PCNX4: variants seen among roughly 807,000 people sequenced by gnomAD.
The protein encoded by PCNX4 is pecanex-like protein 4.
Under a neutral mutation model 107.2 loss-of-function variants are expected in PCNX4, and 103 were observed. The ratio of observed to expected loss-of-function variants is 0.96; its 90% CI spans 0.82 to 1.13. The LOEUF (loss-of-function observed/expected upper bound fraction) is 1.13, where lower values mean the gene tolerates loss of function less well. Among genes scored for constraint, PCNX4 ranks in the 50% most tolerant of loss-of-function variants. PCNX4 has a pLI of 0.00. For synonymous variants in PCNX4, 541 were observed against 481.7 expected, an observed-to-expected ratio of 1.12 and a Z score of -1.61; for missense variants, 1,528 against 1,379.4, an observed-to-expected ratio of 1.11 and a Z score of -1.71.
At chr14:60,119,226 A>G (rs1232460279) in intron 7 of PCNX4, among the ~76,000 whole-genome samples, 5 of 152,206 alleles carry the variant, frequency 3.3e-5, no homozygotes, top group South Asian at 2.1e-4. Flanking sequence ...ATGAAATGCT[A>G]TTCAGTTACT....
intron 10 of PCNX4, chr14:60,133,622 A>G (rs1595181642): frequency 2.1e-6 from 1 of 476,368 alleles, no homozygotes; most frequent in Non-Finnish European, 4.1e-6. Context: ...TGTTTCTTTA[A>G]AAAGAGCCTA....
In PCNX4 at chr14:60,124,711, C is replaced by T. The variant is rs752956191; in HGVS notation, c.2540C>T (p.Pro847Leu). The change falls in exon 9 of 11, where the codon CCA (proline) becomes CTA (leucine). Residue 847 changes from proline to leucine, a missense_variant. Coordinates refer to ENST00000406854, the MANE Select transcript of PCNX4 (RefSeq NM_001330177.2). ...GAAAAACATCAGTTGAAAGATTTGC[C>T]AGGTACAAATTTGTTTATTCCAGGA... ...IEEKHQLKDL[P>L]GTNLFIPGSV... is the part of the protein sequence containing the mutation. 2 of 1,613,026 alleles carry T rather than the reference C, an allele frequency of 1.2e-6. No individual in the cohort carries two copies. Among genetic ancestry groups the T allele is most frequent in the South Asian group, 1.1e-5 (1 of 91,040 alleles).
At chr14:60,113,372 A>G (rs1895777075) in intron 2 of PCNX4, among the ~76,000 whole-genome samples, 1 of 152,088 alleles carries the variant, frequency 6.6e-6, no homozygotes, top group Admixed American at 6.5e-5. Flanking sequence ...TATTATTACT[A>G]CTACTACTAT....
intron 1 of PCNX4, among the ~76,000 whole-genome samples, chr14:60,096,725 C>T (rs1257247352): frequency 1.3e-5 from 2 of 152,194 alleles, no homozygotes; most frequent in Non-Finnish European, 2.9e-5. Flanking sequence ...GTATCCACCC[C>T]ATATCTCTCG....
At chr14:60,120,055 G>A (rs921660079) in intron 7 of PCNX4, among the ~76,000 whole-genome samples, 1 of 152,080 alleles carries the variant, frequency 6.6e-6, no homozygotes, top group African/African-American at 2.4e-5. Context: ...TGTTTTGGGG[G>A]GTCCTCAAGA....
intron 1 of PCNX4, among the ~76,000 whole-genome samples, chr14:60,101,734 T>C (rs1159216648): frequency 6.6e-6 from 1 of 152,198 alleles, no homozygotes; most frequent in African/African-American, 2.4e-5. Context: ...CCATATGATC[T>C]AGCAATTTTG....
rs1159396477 is a variant in PCNX4, at chr14:60,125,631, T to A, written c.3081-6T>A. 2 of 1,456,414 alleles carry A rather than the reference T, an allele frequency of 1.4e-6. No individual in the cohort carries two copies. Among genetic ancestry groups the A allele is most frequent in the Non-Finnish European group, 1.8e-6 (2 of 1,102,090 alleles). 90.2% of individuals were successfully genotyped at this position (1,456,414 alleles called of 1,614,324 possible). A position where few individuals can be genotyped will look rare whatever the true frequency, so the allele number is the denominator to read the frequency against. On this transcript the variant is annotated splice_region_variant and splice_polypyrimidine_tract_variant and intron_variant, in intron 9 of 10. Transcript: ENST00000406854. ...CTAAAATTCTTCGGTTCTCCATTTT[T>A]TTTAGGTATACTCTGAAACTAATGA...
At chr14:60,125,326 G>A in intron 9 of PCNX4, 75 bp downstream of exon 9, 2 of 1,333,748 alleles carry the variant, frequency 1.5e-6, no homozygotes, top group East Asian at 2.6e-5. Flanking sequence ...CGTACAAGAA[G>A]ACAGTTATTC....
At chr14:60,104,594 C>T (rs773931522) in intron 1 of PCNX4, among the ~76,000 whole-genome samples, 1 of 152,134 alleles carries the variant, frequency 6.6e-6, no homozygotes, top group Non-Finnish European at 1.5e-5. Flanking sequence ...TTAATGTACT[C>T]ACAATTTCTC....
chr14:60,127,666 C>T (rs1383447762), intron 10 of PCNX4, among the ~76,000 whole-genome samples: 1 of 152,120 alleles, frequency 6.6e-6, no homozygotes, highest in Non-Finnish European at 1.5e-5. Context: ...GACCAGCACC[C>T]AGAATTTCTA....
rs1896226701 is a variant in PCNX4 at position 60,135,398 on chromosome 14, A to G, written c.*1177A>G. On this transcript the variant is annotated 3_prime_UTR_variant, in exon 11 of 11. Coordinates refer to ENST00000406854, the MANE Select transcript of PCNX4 (RefSeq NM_001330177.2). ...ATGTTATTCTTTTTTTGGAGGTAAT[A>G]TAGTACAGTTACTAAGATAGGATTT... The G allele has an allele frequency of 6.6e-6, 1 of 152,218 alleles. No homozygotes were observed. The highest frequency in any genetic ancestry group is 2.1e-4 in the South Asian group (1 of 4,838). 9.4% of individuals were successfully genotyped at this position (152,218 alleles called of 1,614,324 possible). A position where few individuals can be genotyped will look rare whatever the true frequency, so the allele number is the denominator to read the frequency against.
intron 2 of PCNX4, among the ~76,000 whole-genome samples, chr14:60,113,123 G>T (rs947430406): frequency 2.0e-5 from 3 of 152,212 alleles, no homozygotes; most frequent in African/African-American, 7.2e-5. Context: ...AGACGTTGCA[G>T]TGAGCCGAGA....
At chr14:60,093,532 T>TC (rs1241878998) in intron 1 of PCNX4, among the ~76,000 whole-genome samples, 3 of 152,248 alleles carry the variant, frequency 2.0e-5, no homozygotes, top group Non-Finnish European at 2.9e-5. Context: ...TATGAGTACT[T>TC]CATTCCTTTT....
intron 1 of PCNX4, among the ~76,000 whole-genome samples, chr14:60,097,888 C>T (rs1895455853): frequency 6.6e-6 from 1 of 152,188 alleles, no homozygotes; most frequent in Admixed American, 6.5e-5. Context: ...ATCCAAGACC[C>T]AAAAACTGTC....
chr14:60,102,481 A>G (rs985596170), intron 1 of PCNX4, among the ~76,000 whole-genome samples: 4 of 152,192 alleles, frequency 2.6e-5, no homozygotes, highest in Middle Eastern at 3.2e-3. Flanking sequence ...TTGGTAACTA[A>G]GAATTCCTCT....
rs1173605392 is a variant in PCNX4 at position 60,147,467 on chromosome 14, A to C, written c.*13246A>C. The C allele has an allele frequency of 1.3e-5, 2 of 152,196 alleles. No individual in the cohort carries two copies. Among genetic ancestry groups the C allele is most frequent in the African/African-American group, 4.8e-5 (2 of 41,454 alleles). 9.4% of individuals were successfully genotyped at this position (152,196 alleles called of 1,614,324 possible). A position where few individuals can be genotyped will look rare whatever the true frequency, so the allele number is the denominator to read the frequency against. On this transcript the variant is annotated 3_prime_UTR_variant, in exon 11 of 11. Coordinates refer to ENST00000406854, the MANE Select transcript of PCNX4 (RefSeq NM_001330177.2). The stretch of plus-strand genomic sequence containing the variant: ...TGGTAATCATTTTACAGTGTATATT[A>C]GATCATCACAATGTATACCTTAAAT...
chr14:60,094,297 C>A (rs1381455677), intron 1 of PCNX4, among the ~76,000 whole-genome samples: 5 of 121,690 alleles, frequency 4.1e-5, no homozygotes, highest in Non-Finnish European at 9.3e-5. Context: ...CTTGGACCCA[C>A]TTTTCTCCAA....
intron 1 of PCNX4, 129 bp from the exon 2 acceptor site, chr14:60,107,457 T>C (rs1489293634): frequency 1.2e-5 from 7 of 585,200 alleles, no homozygotes; most frequent in Non-Finnish European, 2.1e-5. Flanking sequence ...CAGAAAGGGG[T>C]CTGAGAAGTA....
chr14:60,104,685 G>A (rs1057268269), intron 1 of PCNX4, among the ~76,000 whole-genome samples: 7 of 152,306 alleles, frequency 4.6e-5, no homozygotes, highest in East Asian at 1.9e-4. Context: ...AATCAGAACC[G>A]AGTGGAAGGG....
Sources: allele counts gnomAD v4.1 joint callset (sites outside exome capture counted in the v4.1 genomes callset), GRCh38; gene constraint gnomAD v4.1.1; transcripts MANE v1.5; gene names NCBI Gene and HGNC (gene_info 2026-07-23, HGNC 2026-07-21).